The following CFAP46 variants were observed in gnomAD, a reference collection of about 807,000 sequenced individuals.
CFAP46 encodes the protein cilia and flagella associated protein 46.
A neutral mutation model predicts 325.7 loss-of-function variants in CFAP46; 245 were observed. That is an observed-to-expected ratio of 0.75 (90% CI 0.68 to 0.84). The LOEUF is 0.84. Among genes scored for constraint, CFAP46 ranks in the 40% least tolerant of loss-of-function variants. The probability of loss-of-function intolerance (pLI) is 0.00; values close to 1 mark genes in which losing one functional copy is unlikely to be tolerated. For missense variants in CFAP46, 3,346 were observed against 3,543.0 expected (o/e 0.94, Z 1.41); for synonymous variants, 1,523 against 1,495.9 (o/e 1.02, Z -0.42).
rs1447018961 is a variant in CFAP46, at chr10:132,827,499, A to G, written c.7117+5859T>C. 6.6e-6 allele frequency among the ~76,000 whole-genome samples: 1 copy of G among 151,826 alleles called. No homozygotes were observed. Among genetic ancestry groups the G allele is most frequent in the Non-Finnish European group, 1.5e-5 (1 of 67,974 alleles). On this transcript the variant is annotated intron_variant, in intron 50 of 57. Coordinates refer to ENST00000368586, the MANE Select transcript of CFAP46 (RefSeq NM_001200049.3). The surrounding 1 kb of genome is among the most constrained non-coding windows in gnomAD (Gnocchi z 5.7). ...AATTTGCTCTTTCTGTATTTCATGT[A>G]AAAAATTTCCACTCACAAGCAGGAG...
At chr10:132,893,484 G>T (rs1161076949) in intron 24 of CFAP46, among the ~76,000 whole-genome samples, 1 of 152,214 alleles carries the variant, frequency 6.6e-6, no homozygotes, top group Non-Finnish European at 1.5e-5. Flanking sequence ...GAGGTGGGAA[G>T]TGCACTGGCA....
intron 50 of CFAP46, among the ~76,000 whole-genome samples, chr10:132,831,079 GT>G (rs1303761892): frequency 4.6e-5 from 7 of 152,178 alleles, no homozygotes; most frequent in African/African-American, 1.7e-4. Context: ...AAGTGTCTGG[GT>G]TTTTCCAGGC....
At chr10:132,856,564 A>T (rs1482695068) in intron 39 of CFAP46, among the ~76,000 whole-genome samples, 1 of 151,936 alleles carries the variant, frequency 6.6e-6, no homozygotes, top group African/African-American at 2.4e-5. Flanking sequence ...AAGTTCTCCA[A>T]TGTTTTCTCC....
chr10:132,892,481 A>G, intron 24 of CFAP46, 64 bp from the exon 25 acceptor site: 4 of 1,427,144 alleles, frequency 2.8e-6, no homozygotes, highest in Non-Finnish European at 3.9e-6. Flanking sequence ...TCACCATGAG[A>G]TAAGAAACTC....
chr10:132,867,837 G>A lies in CFAP46; in HGVS notation c.4611-330C>T, dbSNP rs191630743. On this transcript the variant is annotated intron_variant, in intron 33 of 57. Transcript: ENST00000368586. ...CGCGGGCACCCCCACCGGAAAGTTC[G>A]GAACCAACTACAGGTCCCTGGGTGG... Among the ~76,000 whole-genome samples the A allele has an allele frequency of 9.3e-3, 1,408 of 152,146 alleles. 10 individuals carry two copies. Among genetic ancestry groups the A allele is most frequent in the South Asian group, 0.043 (207 of 4,820 alleles).
chr10:132,858,565 G>A (rs1350694896), intron 38 of CFAP46, among the ~76,000 whole-genome samples: 2 of 152,172 alleles, frequency 1.3e-5, no homozygotes, highest in Admixed American at 6.5e-5. Context: ...CCCTGCCCTC[G>A]GTGGGAGCAG....
chr10:132,880,005 C>A (rs1849014795), intron 28 of CFAP46, among the ~76,000 whole-genome samples: 1 of 152,108 alleles, frequency 6.6e-6, no homozygotes, highest in African/African-American at 2.4e-5. Context: ...GGCCCCCACT[C>A]ATCCTGACAG....
intron 22 of CFAP46, among the ~76,000 whole-genome samples, chr10:132,906,923 G>A (rs1849465473): frequency 6.6e-6 from 1 of 152,270 alleles, no homozygotes; most frequent in Non-Finnish European, 1.5e-5. Context: ...AGTGAATGGG[G>A]GGCCTGGTAC....
At chr10:132,917,538 G>A (rs182059410) in intron 16 of CFAP46, among the ~76,000 whole-genome samples, 108 of 152,340 alleles carry the variant, frequency 7.1e-4, no homozygotes, top group African/African-American at 1.9e-3. Flanking sequence ...CATTCAATGC[G>A]CTTCTGCAGC....
At chr10:132,874,818 G>A (rs1235504395) in intron 31 of CFAP46, among the ~76,000 whole-genome samples, 1 of 152,178 alleles carries the variant, frequency 6.6e-6, no homozygotes, top group African/African-American at 2.4e-5. Context: ...TTATACTTCA[G>A]AGTAAAATGC....
At position 132,847,577 on chromosome 10, in the gene CFAP46, C is replaced by T. The variant is rs998793738; in HGVS notation, c.5953-256G>A. Among the ~76,000 whole-genome samples the T allele has an allele frequency of 2.0e-5, 3 of 151,996 alleles. No homozygotes were observed. Among genetic ancestry groups the T allele is most frequent in the Admixed American group, 2.0e-4 (3 of 15,278 alleles). ...GGGGATGCTGCAGCCAGGGTGAGGA[C>T]GCAGACCCCTGAGGAAGCCGGCCTG... On this transcript the variant is annotated intron_variant, in intron 41 of 57. Coordinates refer to ENST00000368586, the MANE Select transcript of CFAP46 (RefSeq NM_001200049.3). The surrounding 1 kb of genome is among the most constrained non-coding windows in gnomAD (Gnocchi z 5.2).
intron 8 of CFAP46, among the ~76,000 whole-genome samples, chr10:132,932,940 T>C (rs1164463528): frequency 6.6e-6 from 1 of 152,270 alleles, no homozygotes; most frequent in Non-Finnish European, 1.5e-5. Context: ...ATTGTGTCCC[T>C]GCAGCTGCCC....
chr10:132,820,826 C>CTTTG (rs1311686240), intron 50 of CFAP46, among the ~76,000 whole-genome samples: 2 of 110,506 alleles, frequency 1.8e-5, no homozygotes, highest in Admixed American at 1.0e-4. Context: ...CTGATGTGTG[C>CTTTG]TGAGTGCTGA....
chr10:132,823,213 A>G (rs1303205739), intron 50 of CFAP46, among the ~76,000 whole-genome samples: 1 of 78,384 alleles, frequency 1.3e-5, no homozygotes, highest in Non-Finnish European at 2.4e-5. Flanking sequence ...GTGTGTGCTG[A>G]TGTGTGCTGT....
intron 57 of CFAP46, among the ~76,000 whole-genome samples, chr10:132,809,934 G>A (rs1847543993): frequency 6.6e-6 from 1 of 152,212 alleles, no homozygotes; most frequent in African/African-American, 2.4e-5. Flanking sequence ...CCTCTTCCGG[G>A]AGGCCTCTTC....
rs1591095752 is a variant in CFAP46 at position 132,926,796 on chromosome 10, C to T, written c.967-130G>A. 5.6e-6 allele frequency: 4 copies of T among 712,618 alleles called. No homozygotes were observed. The East Asian group carries it at 8.2e-5, about 15-fold the overall frequency. 44.1% of individuals were successfully genotyped at this position (712,618 alleles called of 1,614,324 possible). ...AACAAATACAAGTCACACGATGACA[C>T]AAAGACACCTATGACGCAGAGGTTT... On this transcript the variant is annotated intron_variant, in intron 9 of 57. Transcript: ENST00000368586.
rs374682045 is a variant in CFAP46, at chr10:132,834,019, T to G, written c.6949+22A>C. 3 of 1,610,594 alleles carry G rather than the reference T, an allele frequency of 1.9e-6. No homozygotes were observed. The South Asian group carries it at 3.3e-5, about 18-fold the overall frequency. Reference sequence around the variant, plus strand: ...GGCGGGATGAGCTCCCCAGGCTGAGTGGCCACGCCCGCCCCACTCACTGTG... The same window carrying G: ...GGCGGGATGAGCTCCCCAGGCTGAGGGGCCACGCCCGCCCCACTCACTGTG... On this transcript the variant is annotated intron_variant, in intron 49 of 57. Transcript: ENST00000368586.
intron 16 of CFAP46, among the ~76,000 whole-genome samples, 159 bp from the exon 17 acceptor site, chr10:132,916,841 A>G (rs369883694): frequency 3.2e-4 from 48 of 152,308 alleles, no homozygotes; most frequent in South Asian, 1.5e-3. Flanking sequence ...GCCTGCCCCA[A>G]TAGCCACTCC....
rs773853384 is a variant in CFAP46, at chr10:132,908,511, T to C, written c.2881A>G (p.Arg961Gly). The C allele has an allele frequency of 1.9e-6, 3 of 1,550,556 alleles. No individual in the cohort carries two copies. The highest frequency in any genetic ancestry group is 2.0e-5 in the Admixed American group (1 of 51,010). ...DHETTMACAH[R>G]ALEMGIKYLK... ...TACTTGATGCCCATCTCCAGAGCCC[T>C]GTGAGCACAGGCCATGGTGGTCTCA... is the stretch of plus-strand genomic sequence containing the variant. Residue 961 changes from arginine (R) to glycine (G), a missense_variant, in exon 22 of 58, where the codon AGG becomes GGG. By Grantham distance (125) the Arg-to-Gly change is moderately radical. Coordinates refer to ENST00000368586, the MANE Select transcript of CFAP46 (RefSeq NM_001200049.3).
Sources: gnomAD v4.1 joint callset for allele counts (sites outside exome capture counted in the v4.1 genomes callset) on GRCh38, gnomAD v4.1.1 for gene constraint, Gnocchi (gnomAD v3.1) non-coding constraint, MANE v1.5 for transcripts, NCBI Gene and HGNC (gene_info 2026-07-23, HGNC 2026-07-21) for gene names.